Variants in NKPD1 observed in about 807,000 individuals in gnomAD.
NKPD1 encodes the protein NTPase KAP family P-loop domain containing 1.
NKPD1 carries 37 observed loss-of-function variants against 42.2 expected under a neutral mutation model. The observed-to-expected ratio is 0.88, with a 90% CI of 0.67 to 1.15. The LOEUF (loss-of-function observed/expected upper bound fraction) is 1.15, where lower values mean the gene tolerates loss of function less well. Ranked by LOEUF, NKPD1 falls within the 50% of genes most tolerant of loss-of-function variation. The probability of loss-of-function intolerance (pLI) is 0.00; values close to 1 mark genes in which losing one functional copy is unlikely to be tolerated. For synonymous variants in NKPD1, 552 were observed against 536.5 expected (o/e 1.03, Z -0.40); for missense variants, 1,113 against 1,174.6 (o/e 0.95, Z 0.77).
intron 4 of NKPD1, among the ~76,000 whole-genome samples, chr19:45,154,206 G>A (rs141136151): frequency 6.6e-6 from 1 of 152,214 alleles, no homozygotes. Flanking sequence ...GAGGAGCTAT[G>A]CTAGGCAGCA....
At chr19:45,155,760 C>G (rs372843048) in intron 4 of NKPD1, 25 bp downstream of exon 4, 31 of 1,287,906 alleles carry the variant, frequency 2.4e-5, no homozygotes, top group South Asian at 8.7e-5. Flanking sequence ...CATCCTCCCC[C>G]CAACAAACAC....
upstream of NKPD1, among the ~76,000 whole-genome samples, chr19:45,161,822 C>G (rs1490178572): frequency 6.6e-6 from 1 of 152,228 alleles, no homozygotes; most frequent in Non-Finnish European, 1.5e-5. Context: ...ACGGGGTCAA[C>G]AGTTGCTTCC....
rs773112397 is a variant in NKPD1, at chr19:45,152,582, C to T, written c.1855G>A (p.Val619Met). 4 of 1,585,728 alleles carry T rather than the reference C, an allele frequency of 2.5e-6. No homozygotes were observed. Among genetic ancestry groups the T allele is most frequent in the African/African-American group, 2.8e-5 (2 of 72,610 alleles). ...TTGACGATGCGCCGCATGGACACCA[C>T]GTTGTCGGGCACGTACTCGTAGAGG... ...DCLYEYVPDNVVSMRRIVNTV... is the reference protein window; with the variant it reads ...DCLYEYVPDNMVSMRRIVNTV... The change falls in exon 5 of 5, where the codon GTG becomes ATG. Residue 619 changes from valine to methionine, a missense_variant. By Grantham distance (21) the Val-to-Met change is conservative (BLOSUM62 1). Transcript: ENST00000686631.
Position 45,152,535 on chromosome 19 carries a change from G to A in NKPD1, c.1902C>T (p.Arg634=), listed in dbSNP as rs771204989. ...CCTGCTGCTGCTGCTGCTGCAGCAGGCGCACGGTGATGGGCACGGTGTTGA... is the reference window on the plus strand; with the variant it reads ...CCTGCTGCTGCTGCTGCTGCAGCAGACGCACGGTGATGGGCACGGTGTTGA... ...RIVNTVPITV[R]LLQQQQQQGD... is the part of the protein sequence containing the mutation. Residue 634 remains arginine (R), a synonymous_variant, in exon 5 of 5, where the codon CGC becomes CGT. Transcript: ENST00000686631. 2 of 1,580,172 alleles carry A rather than the reference G, an allele frequency of 1.3e-6. No individual in the cohort carries two copies. Among genetic ancestry groups the A allele is most frequent in the South Asian group, 2.2e-5 (2 of 89,002 alleles).
rs766671329 is a variant in NKPD1 at position 45,153,389 on chromosome 19, C to CCGCCAGCAG, written c.1039_1047dup (p.Leu347_Ala349dup). The CCGCCAGCAG allele has an allele frequency of 1.9e-6, 3 of 1,559,500 alleles. No homozygotes were observed. The highest frequency in any genetic ancestry group is 1.7e-4 in the Middle Eastern group (1 of 5,758). On this transcript the variant is annotated inframe_insertion, in exon 5 of 5. Transcript: ENST00000686631. Reference sequence around the variant, plus strand: ...AGCAGCCCCACACCCAGGCCCAGCGCCGCCAGCAGCGCCAGCAGCCCCAGG... The same window carrying CCGCCAGCAG: ...AGCAGCCCCACACCCAGGCCCAGCGCCGCCAGCAGCGCCAGCAGCGCCAGCAGCCCCAGG...
At position 45,152,225 on chromosome 19, in the gene NKPD1, TC is replaced by T; in HGVS notation, c.2211del (p.Ser738AlafsTer138). 6.2e-7 allele frequency: 1 copy of T among 1,604,030 alleles called. No homozygotes were observed. The highest frequency in any genetic ancestry group is 8.5e-7 in the Non-Finnish European group (1 of 1,176,352). ...ADFPFTVAEA[Q>X]SLLRCTVNLD... ...AGGTTGACCGTGCAGCGCAGCAGGC[TC>T]TGCGCCTCGGCCACGGTGAAGGGGA... On this transcript the variant is annotated frameshift_variant, in exon 5 of 5. Coordinates refer to ENST00000686631, the MANE Select transcript of NKPD1 (RefSeq NM_198478.4). LOFTEE classifies it low-confidence loss of function (END_TRUNC).
intron 4 of NKPD1, among the ~76,000 whole-genome samples, chr19:45,154,314 A>G (rs1355543066): frequency 6.6e-6 from 1 of 151,964 alleles, no homozygotes; most frequent in Non-Finnish European, 1.5e-5. Flanking sequence ...AGCCATTCCT[A>G]CTCTGGGTCA....
In NKPD1 at chr19:45,151,775, C is replaced by T. The variant is rs886245722; in HGVS notation, c.*163G>A. On this transcript the variant is annotated 3_prime_UTR_variant, in exon 5 of 5. Transcript: ENST00000686631. ...ATGCTGGCACCGGCTTGTGGCCGCA[C>T]TCCTTGGAAGCTATGTCCACGGCTC... 2.6e-5 allele frequency: 18 copies of T among 703,924 alleles called. No individual in the cohort carries two copies. Among genetic ancestry groups the T allele is most frequent in the Non-Finnish European group, 3.7e-5 (17 of 461,404 alleles). 43.6% of individuals were successfully genotyped at this position (703,924 alleles called of 1,614,324 possible). A position where few individuals can be genotyped will look rare whatever the true frequency, so the allele number is the denominator to read the frequency against.
Position 45,152,274 on chromosome 19 carries a change from G to A in NKPD1, c.2163C>T (p.Phe721=), listed in dbSNP as rs774877366. The A allele has an allele frequency of 1.2e-6, 2 of 1,610,114 alleles. No individual in the cohort carries two copies. Among genetic ancestry groups the A allele is most frequent in the African/African-American group, 2.7e-5 (2 of 74,900 alleles). The change falls in exon 5 of 5, where the codon TTC becomes TTT. Residue 721 remains phenylalanine (F), a synonymous_variant. Transcript: ENST00000686631. ...VLDLDGDPEL[F]ERFLGADFPF... The stretch of plus-strand genomic sequence containing the variant: ...GGAAGTCGGCGCCCAGGAAGCGCTC[G>A]AAGAGCTCGGGGTCGCCGTCCAGGT...
At position 45,152,153 on chromosome 19, in the gene NKPD1, CGCTGACGGCTCGG is replaced by C; in HGVS notation, c.2271_2283del (p.Ile757MetfsTer115). 2 of 1,598,700 alleles carry C rather than the reference CGCTGACGGCTCGG, an allele frequency of 1.3e-6. No homozygotes were observed. Among genetic ancestry groups the C allele is most frequent in the Non-Finnish European group, 1.7e-6 (2 of 1,173,606 alleles). On this transcript the variant is annotated frameshift_variant, in exon 5 of 5. Coordinates refer to ENST00000686631, the MANE Select transcript of NKPD1 (RefSeq NM_198478.4). LOFTEE classifies it low-confidence loss of function (END_TRUNC). Reference sequence around the variant, plus strand: ...TTGGGCGGGCTGGGCGGCTTGAGCGCGCTGACGGCTCGGATGAGACCCATGCGCCGGCGGATGG... The same window carrying C: ...TTGGGCGGGCTGGGCGGCTTGAGCGCATGAGACCCATGCGCCGGCGGATGG...
chr19:45,158,875 G>A lies in NKPD1; in HGVS notation c.317C>T (p.Ala106Val), dbSNP rs1432824895. The change falls in exon 3 of 5, where the codon GCC (alanine) becomes GTC (valine). Residue 106 changes from alanine to valine, a missense_variant. By Grantham distance (64) the Ala-to-Val change is moderately conservative. Around this residue, in one of 3 missense-constraint regions of NKPD1, gnomAD observed 204 missense variants for 227.8 expected, o/e 0.90. Coordinates refer to ENST00000686631, the MANE Select transcript of NKPD1 (RefSeq NM_198478.4). This position sits in a 1 kb window ranked among gnomAD's most constrained non-coding sequence, Gnocchi z 4.6. ...GGAGGTTGCAGGCAGCCCCTTCTGGGCTTCGTGAATGGGGCAGAGCCGCTG... is the reference window on the plus strand; with the variant it reads ...GGAGGTTGCAGGCAGCCCCTTCTGGACTTCGTGAATGGGGCAGAGCCGCTG... ...LRQRLCPIHE[A>V]QKGLPATSTV... 4.7e-6 allele frequency: 6 copies of A among 1,285,152 alleles called. No individual in the cohort carries two copies. The highest frequency in any genetic ancestry group is 6.1e-6 in the Non-Finnish European group (6 of 979,472). 79.6% of individuals were successfully genotyped at this position (1,285,152 alleles called of 1,614,324 possible).
At chr19:45,155,327 A>G (rs543499938) in intron 4 of NKPD1, among the ~76,000 whole-genome samples, 6 of 151,868 alleles carry the variant, frequency 4.0e-5, no homozygotes, top group Admixed American at 1.3e-4. Context: ...AAAAAAAAAA[A>G]GCTGCTGGGG....
chr19:45,153,522 G>T lies in NKPD1; in HGVS notation c.915C>A (p.Arg305=). 6.4e-7 allele frequency: 1 copy of T among 1,550,846 alleles called. No individual in the cohort carries two copies. ...TGAAGGGCAGTGCGCCATAGTGGCG[G>T]CGGATGCCCTCGCACAACGTGGTCA... The part of the protein sequence containing the change: ...GLVTTLCEGI[R]RHYGALPFSV... The change falls in exon 5 of 5, where the codon CGC becomes CGA. Residue 305 remains arginine, a synonymous_variant. Transcript: ENST00000686631.
intron 1 of NKPD1, among the ~76,000 whole-genome samples, chr19:45,160,486 A>G (rs1021262885): frequency 6.6e-6 from 1 of 151,882 alleles, no homozygotes; most frequent in Non-Finnish European, 1.5e-5. Flanking sequence ...GACACTGGGG[A>G]GTGCTGAGCA....
Position 45,152,273 on chromosome 19 carries a change from C to T in NKPD1, c.2164G>A (p.Glu722Lys). The change falls in exon 5 of 5, where the codon GAG (glutamate) becomes AAG (lysine). Residue 722 changes from glutamate to lysine, a missense_variant. By Grantham distance (56) the Glu-to-Lys change is moderately conservative (BLOSUM62 1). Coordinates refer to ENST00000686631, the MANE Select transcript of NKPD1 (RefSeq NM_198478.4). ...LDLDGDPELF[E>K]RFLGADFPFT... ...GGGAAGTCGGCGCCCAGGAAGCGCTCGAAGAGCTCGGGGTCGCCGTCCAGG... is the reference window on the plus strand; with the variant it reads ...GGGAAGTCGGCGCCCAGGAAGCGCTTGAAGAGCTCGGGGTCGCCGTCCAGG... 1 of 1,610,106 alleles carries T rather than the reference C, an allele frequency of 6.2e-7. No individual in the cohort carries two copies. The highest frequency in any genetic ancestry group is 1.7e-5 in the Admixed American group (1 of 59,824).
chr19:45,159,858 G>T (rs1968974221), intron 2 of NKPD1, among the ~76,000 whole-genome samples: 1 of 152,216 alleles, frequency 6.6e-6, no homozygotes, highest in African/African-American at 2.4e-5. Flanking sequence ...TCCAACTCCA[G>T]CCCAGGCTCC....
chr19:45,152,588 C>A lies in NKPD1; in HGVS notation c.1849G>T (p.Asp617Tyr). 1.3e-6 allele frequency: 2 copies of A among 1,585,452 alleles called. No individual in the cohort carries two copies. Among genetic ancestry groups the A allele is most frequent in the Non-Finnish European group, 1.7e-6 (2 of 1,175,152 alleles). ...ATGCGCCGCATGGACACCACGTTGT[C>A]GGGCACGTACTCGTAGAGGCAGTCG... ...ERDCLYEYVPDNVVSMRRIVN... is the reference protein window; with the variant it reads ...ERDCLYEYVPYNVVSMRRIVN... The change falls in exon 5 of 5, where the codon GAC (aspartate) becomes TAC (tyrosine). Residue 617 changes from aspartate (D) to tyrosine (Y), a missense_variant. Asp to Tyr is a radical substitution (Grantham distance 160, BLOSUM62 -3). This residue lies in a region of NKPD1 where 867 missense variants were observed against 870.1 expected (regional missense o/e 1.00). Coordinates refer to ENST00000686631, the MANE Select transcript of NKPD1 (RefSeq NM_198478.4).
At chr19:45,154,099 G>A (rs1211349877) in intron 4 of NKPD1, among the ~76,000 whole-genome samples, 2 of 152,186 alleles carry the variant, frequency 1.3e-5, no homozygotes, top group African/African-American at 4.8e-5. Flanking sequence ...GCAAGAGGCT[G>A]GAGGCGGAGC....
rs1270230082 is a variant in NKPD1 at position 45,158,391 on chromosome 19, C to T, written c.529+272G>A. Among the ~76,000 whole-genome samples the T allele has an allele frequency of 6.6e-6, 1 of 152,232 alleles. No individual in the cohort carries two copies. The highest frequency in any genetic ancestry group is 1.5e-5 in the Non-Finnish European group (1 of 68,048). ...GACCAGAGCAGAGCCAGGGTGTCGGCAGAGGGAAAGGGGGAAGGAGAGGGA... is the reference window on the plus strand; with the variant it reads ...GACCAGAGCAGAGCCAGGGTGTCGGTAGAGGGAAAGGGGGAAGGAGAGGGA... On this transcript the variant is annotated intron_variant, in intron 3 of 4. Transcript: ENST00000686631. This position sits in a 1 kb window ranked among gnomAD's most constrained non-coding sequence, Gnocchi z 4.6.
Sources: gnomAD v4.1 joint callset for allele counts (sites outside exome capture counted in the v4.1 genomes callset) on GRCh38, gnomAD v4.1.1 for gene constraint, gnomAD v4.1.1 regional missense constraint, Gnocchi (gnomAD v3.1) non-coding constraint, MANE v1.5 for transcripts, NCBI Gene and HGNC (gene_info 2026-07-23, HGNC 2026-07-21) for gene names.